THRB: variants seen among roughly 807,000 people sequenced by gnomAD.
THRB encodes thyroid hormone receptor beta.
Under a neutral mutation model 47.8 loss-of-function variants are expected in THRB, and 12 were observed. The ratio of observed to expected loss-of-function variants is 0.25; its 90% CI spans 0.16 to 0.41. THRB has a LOEUF of 0.41. Ranked by LOEUF, THRB falls within the 10% of genes least tolerant of loss-of-function variation. The pLI is 1.00. For synonymous variants in THRB, 218 were observed against 212.2 expected, an observed-to-expected ratio of 1.03 and a Z score of -0.24; for missense variants, 348 against 589.2, an observed-to-expected ratio of 0.59 and a Z score of 4.24.
rs977610606 is a variant in THRB, at chr3:24,336,760, C to T, written c.-189+540G>A. ...TTTTTGAGATGGAGTCTCACTCTGT[C>T]GCCCAGGCTGGAGTGCAGTGGCGTG... On this transcript the variant is annotated intron_variant, in intron 2 of 10. Transcript: ENST00000646209. Among the ~76,000 whole-genome samples the T allele has an allele frequency of 8.9e-5, 13 of 145,290 alleles. No individual in the cohort carries two copies. In the East Asian group the frequency reaches 2.4e-3, roughly 27 times the overall value.
chr3:24,408,658 C>T (rs2068026279), intron 1 of THRB, among the ~76,000 whole-genome samples: 1 of 151,766 alleles, frequency 6.6e-6, no homozygotes, highest in South Asian at 2.1e-4. Flanking sequence ...TTAAGAAATA[C>T]AATCAGCATT....
At chr3:24,319,507 A>G (rs2058339686) in intron 2 of THRB, among the ~76,000 whole-genome samples, 1 of 152,250 alleles carries the variant, frequency 6.6e-6, no homozygotes, top group Admixed American at 6.5e-5. Context: ...GAAGTTCAAG[A>G]ACAGATAAAA....
chr3:24,150,289 CAATT>C (rs550745104), intron 6 of THRB, among the ~76,000 whole-genome samples: 179 of 152,230 alleles, frequency 1.2e-3, no homozygotes, highest in African/African-American at 4.1e-3. Flanking sequence ...ATATAGGAAA[CAATT>C]AACCCTTTCA....
chr3:24,329,759 T>G (rs1255751597), intron 2 of THRB, among the ~76,000 whole-genome samples: 1 of 152,206 alleles, frequency 6.6e-6, no homozygotes, highest in Non-Finnish European at 1.5e-5. Context: ...AAGTGAGCAA[T>G]CAACAAAACT....
intron 4 of THRB, among the ~76,000 whole-genome samples, chr3:24,206,691 C>CA (rs1190477255): frequency 6.6e-6 from 1 of 152,048 alleles, no homozygotes; most frequent in African/African-American, 2.4e-5. Flanking sequence ...AAAAACCCTT[C>CA]AAAAAATCAA....
chr3:24,178,363 C>T (rs1274112730), intron 5 of THRB, among the ~76,000 whole-genome samples: 1 of 152,120 alleles, frequency 6.6e-6, no homozygotes, highest in African/African-American at 2.4e-5. Context: ...TGCGGTGGCT[C>T]ATGCCTGTAA....
intron 5 of THRB, among the ~76,000 whole-genome samples, chr3:24,187,614 G>A (rs553217434): frequency 1.3e-5 from 2 of 152,330 alleles, no homozygotes; most frequent in South Asian, 2.1e-4. Context: ...AAACACCGAT[G>A]AGTGAATGCA....
chr3:24,291,069 G>A (rs1199892540), intron 3 of THRB, among the ~76,000 whole-genome samples: 3 of 152,164 alleles, frequency 2.0e-5, no homozygotes, highest in Non-Finnish European at 4.4e-5. Flanking sequence ...TTTCCTTAAT[G>A]TACCTTTCCA....
chr3:24,170,426 G>A lies in THRB; in HGVS notation c.284-17936C>T, dbSNP rs75955273. ...CTTGACACAGCCACCAAAGAGTGAT[G>A]TTTTACAGGCTGCAAATCAGATAAT... On this transcript the variant is annotated intron_variant, in intron 5 of 10. Coordinates refer to ENST00000646209, the MANE Select transcript of THRB (RefSeq NM_001354712.2). Among the ~76,000 whole-genome samples the A allele has an allele frequency of 6.0e-3, 919 of 152,260 alleles. 11 individuals are homozygous for A. The highest frequency in any genetic ancestry group is 0.02 in the African/African-American group (851 of 41,554).
intron 1 of THRB, among the ~76,000 whole-genome samples, chr3:24,446,139 C>T (rs4858616): frequency 0.83 from 127,008 of 152,180 alleles, 53,535 homozygotes; most frequent in Non-Finnish European, 0.89. Context: ...AAAAACAATA[C>T]TGTCATGAGA....
intron 1 of THRB, among the ~76,000 whole-genome samples, chr3:24,431,261 T>TACACACAC (rs199810848): frequency 1.4e-3 from 185 of 135,774 alleles, no homozygotes; most frequent in African/African-American, 4.7e-3. Context: ...TCTCTCTCTC[T>TACACACAC]ACACACACAC....
intron 1 of THRB, among the ~76,000 whole-genome samples, chr3:24,418,510 T>C (rs1352070993): frequency 6.6e-6 from 1 of 151,884 alleles, no homozygotes; most frequent in Non-Finnish European, 1.5e-5. Context: ...TATGATATGG[T>C]AAATGAAAAT....
intron 3 of THRB, among the ~76,000 whole-genome samples, chr3:24,279,576 TAGTAGAGAC>T (rs2054318589): frequency 6.7e-6 from 1 of 149,896 alleles, no homozygotes. Context: ...TTTTTTTTTT[TAGTAGAGAC>T]GGGGTTTCAC....
chr3:24,368,834 G>C (rs553084464), intron 1 of THRB, among the ~76,000 whole-genome samples: 1 of 152,242 alleles, frequency 6.6e-6, no homozygotes, highest in African/African-American at 2.4e-5. Flanking sequence ...CATCCATCTA[G>C]GCAAGATTTA....
At chr3:24,263,343 G>C (rs1383454945) in intron 3 of THRB, among the ~76,000 whole-genome samples, 2 of 152,000 alleles carry the variant, frequency 1.3e-5, no homozygotes, top group African/African-American at 4.8e-5. Context: ...CATTATCTCT[G>C]TTTACCAAAT....
At chr3:24,495,144 G>A (rs1014360888), upstream of THRB, 12 of 152,084 alleles carry the variant, frequency 7.9e-5, no homozygotes, top group African/African-American at 2.2e-4. Context: ...CCGGGCCCGG[G>A]GCGCCTGCTC....
chr3:24,257,464 A>G (rs2051417793), intron 3 of THRB, among the ~76,000 whole-genome samples: 1 of 152,216 alleles, frequency 6.6e-6, no homozygotes, highest in South Asian at 2.1e-4. Flanking sequence ...TACATGCTTC[A>G]TAGTAAAAAA....
At chr3:24,456,029 G>T (rs1427900213) in intron 1 of THRB, among the ~76,000 whole-genome samples, 1 of 152,080 alleles carries the variant, frequency 6.6e-6, no homozygotes, top group Non-Finnish European at 1.5e-5. Flanking sequence ...GATTCCCAAA[G>T]AATTTAAAAA....
intron 1 of THRB, among the ~76,000 whole-genome samples, chr3:24,360,343 T>A (rs1369520773): frequency 6.6e-6 from 1 of 152,158 alleles, no homozygotes; most frequent in African/African-American, 2.4e-5. Context: ...CCAGATGTGT[T>A]CAGTAGACCA....
Sources: gnomAD v4.1 joint callset for allele counts (sites outside exome capture counted in the v4.1 genomes callset) on GRCh38, gnomAD v4.1.1 for gene constraint, MANE v1.5 for transcripts, NCBI Gene and HGNC (gene_info 2026-07-23, HGNC 2026-07-21) for gene names.